The following PPP1R36 variants were observed in gnomAD, a reference collection of about 807,000 sequenced individuals.
PPP1R36 encodes the protein protein phosphatase 1 regulatory subunit 36.
PPP1R36 carries 47 observed loss-of-function variants against 53.4 expected under a neutral mutation model. The observed-to-expected ratio is 0.88, with a 90% CI of 0.70 to 1.12. The LOEUF is 1.12. PPP1R36 is among the 50% of genes most tolerant of loss of function. The pLI is 0.00. For missense variants in PPP1R36, 456 were observed against 513.9 expected (o/e 0.89, Z 1.09); for synonymous variants, 153 against 170.5 (o/e 0.90, Z 0.80).
At chr14:64,561,498 G>A (rs2080205272) in intron 3 of PPP1R36, among the ~76,000 whole-genome samples, 1 of 152,214 alleles carries the variant, frequency 6.6e-6, no homozygotes, top group South Asian at 2.1e-4. Flanking sequence ...AGTGGAGAAT[G>A]GTTTGAAGGG....
At chr14:64,579,130 G>A (rs765437401) in intron 8 of PPP1R36, among the ~76,000 whole-genome samples, 1 of 152,200 alleles carries the variant, frequency 6.6e-6, no homozygotes, top group Non-Finnish European at 1.5e-5. Context: ...ATGGTAGGAG[G>A]AGGGAGAGGA....
At chr14:64,559,878 G>A (rs1418606209) in intron 3 of PPP1R36, among the ~76,000 whole-genome samples, 3 of 151,764 alleles carry the variant, frequency 2.0e-5, no homozygotes, top group East Asian at 3.9e-4. Context: ...CCAAGGCGAG[G>A]AAATACCTGA....
At chr14:64,556,842 T>C (rs2080158628) in intron 3 of PPP1R36, among the ~76,000 whole-genome samples, 1 of 151,280 alleles carries the variant, frequency 6.6e-6, no homozygotes. Context: ...AGAGACAGGG[T>C]CTCACTTTGT....
intron 6 of PPP1R36, 61 bp downstream of exon 6, chr14:64,565,753 T>A (rs1008184431): frequency 8.2e-7 from 1 of 1,225,538 alleles, no homozygotes; most frequent in Non-Finnish European, 1.2e-6. Context: ...TAACTTCATC[T>A]GATAAGTGAT....
intron 7 of PPP1R36, among the ~76,000 whole-genome samples, chr14:64,570,268 G>A (rs2080292606): frequency 6.6e-6 from 1 of 152,056 alleles, no homozygotes; most frequent in Non-Finnish European, 1.5e-5. Flanking sequence ...TGGATCACGA[G>A]GTCAGGAGTT....
chr14:64,568,352 T>A lies in PPP1R36; in HGVS notation c.438T>A (p.Asn146Lys). 1 of 1,425,754 alleles carries A rather than the reference T, an allele frequency of 7.0e-7. No individual in the cohort carries two copies. The highest frequency in any genetic ancestry group is 9.6e-7 in the Non-Finnish European group (1 of 1,036,696). The allele number at this position is 1,425,754 out of a possible 1,614,324, so 88.3% of individuals were successfully genotyped here. ...RICSFTTFMRNKNLDNFLMAL... is the reference protein window; with the variant it reads ...RICSFTTFMRKKNLDNFLMAL... Reference sequence around the variant, plus strand: ...GTTGTTTCAAATCTCCCCATAGGAATAAGAATCTTGATAATTTCCTCATGG... The same window carrying A: ...GTTGTTTCAAATCTCCCCATAGGAAAAAGAATCTTGATAATTTCCTCATGG... The change falls in exon 7 of 12, where the codon AAT (asparagine) becomes AAA (lysine). Residue 146 changes from asparagine (N) to lysine (K), a missense_variant. Transcript: ENST00000298705.
rs1309688275 is a variant in PPP1R36 at position 64,564,743 on chromosome 14, TA to T, written c.183-7del. 6.3e-7 allele frequency: 1 copy of T among 1,598,088 alleles called. No homozygotes were observed. The highest frequency in any genetic ancestry group is 2.2e-5 in the East Asian group (1 of 44,590). On this transcript the variant is annotated splice_polypyrimidine_tract_variant and splice_region_variant and intron_variant, in intron 3 of 11. Transcript: ENST00000298705. ...GTGAAGTCCCTAATTATCTCATTTTTATTGCAGTTTTACACCTGCAGCAGAA... is the reference window on the plus strand; with the variant it reads ...GTGAAGTCCCTAATTATCTCATTTTTTTGCAGTTTTACACCTGCAGCAGAA...
At chr14:64,556,347 C>T (rs1029253481) in intron 3 of PPP1R36, among the ~76,000 whole-genome samples, 10 of 151,906 alleles carry the variant, frequency 6.6e-5, no homozygotes, top group Non-Finnish European at 5.9e-5. Context: ...AAGCAATCTG[C>T]CTGCCTCAGC....
At chr14:64,570,907 T>G (rs753189072) in intron 7 of PPP1R36, among the ~76,000 whole-genome samples, 5 of 152,190 alleles carry the variant, frequency 3.3e-5, no homozygotes, top group Non-Finnish European at 5.9e-5. Flanking sequence ...AATAGTTTGT[T>G]GGGGATTACG....
intron 8 of PPP1R36, among the ~76,000 whole-genome samples, chr14:64,583,925 G>T (rs2080410730): frequency 7.2e-6 from 1 of 138,576 alleles, no homozygotes; most frequent in Non-Finnish European, 1.5e-5. Context: ...TTTTGAGATG[G>T]AATCTTGCTC....
chr14:64,575,886 G>A lies in PPP1R36; in HGVS notation c.668+1297G>A, dbSNP rs544500289. On this transcript the variant is annotated intron_variant, in intron 8 of 11. Transcript: ENST00000298705. ...AGGATGGTCTCGATCTCCTGACCTC[G>A]TGATCCACCCGCCTCGGCCTCCCAA... Among the ~76,000 whole-genome samples the A allele has an allele frequency of 3.9e-5, 6 of 151,954 alleles. No individual in the cohort carries two copies. In the South Asian group the frequency reaches 8.3e-4, roughly 21 times the overall value.
intron 8 of PPP1R36, among the ~76,000 whole-genome samples, chr14:64,577,753 T>A (rs1418653203): frequency 2.5e-5 from 3 of 121,026 alleles, no homozygotes; most frequent in Non-Finnish European, 3.3e-5. Flanking sequence ...TGAGATGGAA[T>A]CTCACTCTGT....
In PPP1R36 at chr14:64,589,203, C is replaced by A; in HGVS notation, c.1134C>A (p.His378Gln). 1 of 1,614,010 alleles carries A rather than the reference C, an allele frequency of 6.2e-7. No individual in the cohort carries two copies. The highest frequency in any genetic ancestry group is 8.5e-7 in the Non-Finnish European group (1 of 1,179,934). Residue 378 changes from histidine (H) to glutamine (Q), a missense_variant, in exon 12 of 12, where the codon CAC becomes CAA. Transcript: ENST00000298705. ...PRCLFNPHTL[H>Q]PLDPEENTKS... is the part of the protein sequence containing the mutation. ...GTCTATTCAACCCACATACGCTTCA[C>A]CCCCTTGATCCAGAAGAAAACACAA...
rs962379059 is a variant in PPP1R36, at chr14:64,550,930, T to C, written c.79T>C (p.Leu27=). ...QTPYLMDQLG[L]RLGMWYWKDE... ...TCATTTCGTTTTACAGCAGTTGGGA[T>C]TACGATTAGGGATGTGGTACTGGAA... Residue 27 remains leucine (L), a synonymous_variant, in exon 2 of 12, where the codon TTA becomes CTA. Transcript: ENST00000298705. The C allele has an allele frequency of 4.4e-6, 7 of 1,607,980 alleles. No individual in the cohort carries two copies. The highest frequency in any genetic ancestry group is 5.9e-6 in the Non-Finnish European group (7 of 1,177,792).
At position 64,565,463 on chromosome 14, in the gene PPP1R36, C is replaced by T. The variant is rs1420175453; in HGVS notation, c.367+9C>T. 1 of 1,595,142 alleles carries T rather than the reference C, an allele frequency of 6.3e-7. No individual in the cohort carries two copies. Among genetic ancestry groups the T allele is most frequent in the Non-Finnish European group, 8.6e-7 (1 of 1,163,188 alleles). ...ACTGGATGATGTTAAATGTGAGTAA[C>T]TGTTTCTTTATGCATACATAAACAT... On this transcript the variant is annotated intron_variant, in intron 5 of 11. Coordinates refer to ENST00000298705, the MANE Select transcript of PPP1R36 (RefSeq NM_172365.3).
intron 3 of PPP1R36, among the ~76,000 whole-genome samples, chr14:64,560,061 G>A (rs2080192860): frequency 8.3e-6 from 1 of 120,390 alleles, no homozygotes; most frequent in Non-Finnish European, 1.6e-5. Flanking sequence ...CTGAAATCAC[G>A]CCATTGTACT....
chr14:64,588,807 G>A (rs561366173), intron 11 of PPP1R36, among the ~76,000 whole-genome samples: 13 of 152,116 alleles, frequency 8.5e-5, no homozygotes. Flanking sequence ...TGATCTGCCC[G>A]CCTCGGCCTC....
At position 64,565,407 on chromosome 14, in the gene PPP1R36, T is replaced by G. The variant is rs986783798; in HGVS notation, c.320T>G (p.Val107Gly). The G allele has an allele frequency of 6.2e-7, 1 of 1,613,696 alleles. No homozygotes were observed. Residue 107 changes from valine to glycine, a missense_variant, in exon 5 of 12, where the codon GTA becomes GGA. Val to Gly is a moderately radical substitution (Grantham distance 109, BLOSUM62 -3). Coordinates refer to ENST00000298705, the MANE Select transcript of PPP1R36 (RefSeq NM_172365.3). The stretch of plus-strand genomic sequence containing the variant: ...AAAGATGATAAGTCAGCTAAAGCTG[T>G]AGAGAAACGAGGTCAACAGGGCACC... ...AAKDDKSAKA[V>G]EKRGQQGTIT...
At chr14:64,564,724 TC>T in intron 3 of PPP1R36, 26 bp from the exon 4 acceptor site, 1 of 1,505,638 alleles carries the variant, frequency 6.6e-7, no homozygotes, top group Non-Finnish European at 9.2e-7. Flanking sequence ...AAAGGTGAAG[TC>T]CCTAATTATC....
Sources: gnomAD v4.1 joint callset for allele counts (sites outside exome capture counted in the v4.1 genomes callset) on GRCh38, gnomAD v4.1.1 for gene constraint, MANE v1.5 for transcripts, NCBI Gene and HGNC (gene_info 2026-07-23, HGNC 2026-07-21) for gene names.